Variants in FN3K observed in about 807,000 individuals in gnomAD.
The protein encoded by FN3K is fructosamine-3-kinase.
A neutral mutation model predicts 24.8 loss-of-function variants in FN3K; 24 were observed. The ratio of observed to expected loss-of-function variants is 0.97; its 90% confidence interval spans 0.70 to 1.36. The LOEUF (loss-of-function observed/expected upper bound fraction) is 1.36, where lower values mean the gene tolerates loss of function less well. Ranked by LOEUF, FN3K falls within the 40% of genes most tolerant of loss-of-function variation. The pLI, the probability that FN3K is intolerant of heterozygous loss-of-function variation, is 0.00. For missense variants in FN3K, 449 were observed against 416.7 expected, an observed-to-expected ratio of 1.08 and a Z score of -0.67; for synonymous variants, 192 against 175.2, an observed-to-expected ratio of 1.10 and a Z score of -0.76.
chr17:82,738,658 C>T lies in FN3K; in HGVS notation c.293+18C>T, dbSNP rs2046920986. On this transcript the variant is annotated intron_variant, in intron 2 of 5. Coordinates refer to ENST00000300784, the MANE Select transcript of FN3K (RefSeq NM_022158.4). ...TTGAGCAGGTGAGTGTGTGTGAGAC[C>T]CATATGCGCACATGTGTACAGGCAG... 1.9e-6 allele frequency: 3 copies of T among 1,612,902 alleles called. No individual in the cohort carries two copies. Among genetic ancestry groups the T allele is most frequent in the Non-Finnish European group, 2.5e-6 (3 of 1,179,250 alleles).
rs1253094801 is a variant in FN3K at position 82,748,827 on chromosome 17, C to T, written c.469-28C>T. ...GGCAGCACTTGGCTCCGAATTGCAA[C>T]AGTGGCCTCTTTTCCCTTGTTGTCC... On this transcript the variant is annotated intron_variant, in intron 4 of 5. Coordinates refer to ENST00000300784, the MANE Select transcript of FN3K (RefSeq NM_022158.4). 1.9e-6 allele frequency: 3 copies of T among 1,608,718 alleles called. No individual in the cohort carries two copies. The Admixed American group carries it at 5.0e-5, about 27-fold the overall frequency.
At chr17:82,741,933 A>C (rs2451211) in intron 4 of FN3K, among the ~76,000 whole-genome samples, 7 of 152,222 alleles carry the variant, frequency 4.6e-5, no homozygotes, top group Non-Finnish European at 8.8e-5. Flanking sequence ...TTGAGACGGC[A>C]TTTTGCCCTT....
chr17:82,750,578 G>T lies in FN3K; in HGVS notation c.753G>T (p.Met251Ile). The change falls in exon 6 of 6, where the codon ATG (methionine) becomes ATT (isoleucine). Residue 251 changes from methionine to isoleucine, a missense_variant. Physicochemically the swap from Met to Ile is conservative, Grantham distance 10 (BLOSUM62 1). Coordinates refer to ENST00000300784, the MANE Select transcript of FN3K (RefSeq NM_022158.4). ...AGTTTGAACTGGCAATCGCCTTGAT[G>T]TTTGGGGGGTTCCCCAGATCCTTCT... is the stretch of plus-strand genomic sequence containing the variant. ...HSEFELAIAL[M>I]FGGFPRSFFT... 6.2e-7 allele frequency: 1 copy of T among 1,614,168 alleles called. No homozygotes were observed. Among genetic ancestry groups the T allele is most frequent in the South Asian group, 1.1e-5 (1 of 91,072 alleles).
intron 4 of FN3K, among the ~76,000 whole-genome samples, chr17:82,741,955 T>A (rs1211988692): frequency 6.6e-6 from 1 of 152,208 alleles, no homozygotes; most frequent in Non-Finnish European, 1.5e-5. Context: ...TTGCCCAGGC[T>A]GGAGTGCAAT....
intron 1 of FN3K, 162 bp from the exon 2 acceptor site, chr17:82,738,327 T>A: frequency 1.1e-6 from 1 of 916,248 alleles, no homozygotes; most frequent in Non-Finnish European, 1.6e-6. Flanking sequence ...GGGGGGCCCC[T>A]CTGCACCCTG....
chr17:82,736,377 A>C (rs1237602345), intron 1 of FN3K: 1 of 152,374 alleles, frequency 6.6e-6, no homozygotes, highest in African/African-American at 2.4e-5. Context: ...TCTACCAAAA[A>C]ATGCAATAAT....
At chr17:82,738,947 T>TATACGTGTATATATATATATACGTATATA (rs1491164859) in intron 2 of FN3K, among the ~76,000 whole-genome samples, 1 of 65,284 alleles carries the variant, frequency 1.5e-5, no homozygotes, top group Non-Finnish European at 3.1e-5. Context: ...TATATATATA[T>TATACGTGTATATATATATATACGTATATA]TTTTTTTTTT....
chr17:82,735,646 C>T lies in FN3K; in HGVS notation c.10C>T (p.Leu4=), dbSNP rs767251997. 2.0e-6 allele frequency: 3 copies of T among 1,538,266 alleles called. No individual in the cohort carries two copies. Among genetic ancestry groups the T allele is most frequent in the South Asian group, 1.2e-5 (1 of 83,412 alleles). ...CCGCGCCCCGCACTCCATGGAGCAG[C>T]TGCTGCGCGCCGAGCTGCGCACCGC... is the stretch of plus-strand genomic sequence containing the variant. MEQ[L]LRAELRTATL... Residue 4 remains leucine, a synonymous_variant, in exon 1 of 6, where the codon CTG becomes TTG. Transcript: ENST00000300784.
intron 4 of FN3K, among the ~76,000 whole-genome samples, chr17:82,748,064 C>T (rs980910541): frequency 6.6e-6 from 1 of 151,470 alleles, no homozygotes; most frequent in Non-Finnish European, 1.5e-5. Flanking sequence ...AGTCGACTCC[C>T]TTTGTGAAAT....
intron 4 of FN3K, chr17:82,744,995 C>G (rs1315627576): frequency 2.0e-5 from 3 of 152,190 alleles, no homozygotes; most frequent in Non-Finnish European, 4.4e-5. Flanking sequence ...CAGGGACGGG[C>G]AGGAGACAGA....
chr17:82,740,318 T>A (rs2046934022), intron 2 of FN3K, among the ~76,000 whole-genome samples: 2 of 151,320 alleles, frequency 1.3e-5, no homozygotes, highest in Non-Finnish European at 2.9e-5. Flanking sequence ...GATTACATGA[T>A]GTTATTTTCT....
intron 1 of FN3K, among the ~76,000 whole-genome samples, chr17:82,736,789 C>T (rs2046904305): frequency 6.6e-6 from 1 of 152,200 alleles, no homozygotes; most frequent in Non-Finnish European, 1.5e-5. Context: ...CCTGCTCTGC[C>T]GGCTCAGAAC....
At position 82,738,490 on chromosome 17, in the gene FN3K, C is replaced by T; in HGVS notation, c.143C>T (p.Ala48Val). 1 of 1,612,056 alleles carries T rather than the reference C, an allele frequency of 6.2e-7. No individual in the cohort carries two copies. The highest frequency in any genetic ancestry group is 8.5e-7 in the Non-Finnish European group (1 of 1,179,812). ...GACAAGGCTGTGTTCTGGATGCAGG[C>T]CCGGCAGATGTTTGAGGGGGAGGTG... The part of the protein sequence containing the change: ...VFVKVNRRTQ[A>V]RQMFEGEVAS... The change falls in exon 2 of 6, where the codon GCC becomes GTC. Residue 48 changes from alanine to valine, a missense_variant and splice_region_variant. Coordinates refer to ENST00000300784, the MANE Select transcript of FN3K (RefSeq NM_022158.4).
rs1188979012 is a variant in FN3K at position 82,735,742 on chromosome 17, G to A, written c.106G>A (p.Gly36Ser). The part of the protein sequence containing the change: ...SEGRAYDTDA[G>S]PVFVKVNRRT... ...GGGCCGAGCCTACGACACGGACGCA[G>A]GCCCAGTGTTCGTCAAAGTCAACCG... The change falls in exon 1 of 6, where the codon GGC (glycine) becomes AGC (serine). Residue 36 changes from glycine to serine, a missense_variant. Coordinates refer to ENST00000300784, the MANE Select transcript of FN3K (RefSeq NM_022158.4). 6.4e-7 allele frequency: 1 copy of A among 1,562,494 alleles called. No individual in the cohort carries two copies. Among genetic ancestry groups the A allele is most frequent in the South Asian group, 1.2e-5 (1 of 85,026 alleles).
Position 82,747,519 on chromosome 17 carries a change from G to T in FN3K, c.469-1336G>T, listed in dbSNP as rs546333741. Among the ~76,000 whole-genome samples the T allele has an allele frequency of 5.1e-4, 77 of 152,274 alleles. 1 individual carries two copies. The highest frequency in any genetic ancestry group is 1.9e-3 in the African/African-American group (77 of 41,550). On this transcript the variant is annotated intron_variant, in intron 4 of 5. Transcript: ENST00000300784. ...GGTTTCAAGAGATTCTCCTGCCTCA[G>T]CCTCCCGAGTAGCTGGGACTACAGG... is the stretch of plus-strand genomic sequence containing the variant.
At chr17:82,746,766 T>C (rs2046970937) in intron 4 of FN3K, among the ~76,000 whole-genome samples, 1 of 151,968 alleles carries the variant, frequency 6.6e-6, no homozygotes, top group Non-Finnish European at 1.5e-5. Context: ...GATCGTGCCA[T>C]TGCACTCCAC....
At chr17:82,735,852 C>T in intron 1 of FN3K, 75 bp downstream of exon 1, 3 of 1,510,624 alleles carry the variant, frequency 2.0e-6, no homozygotes, top group Admixed American at 2.0e-5. Flanking sequence ...CGGGGGCAGG[C>T]GCATTTCCTG....
intron 4 of FN3K, chr17:82,742,821 T>A (rs911650377): frequency 2.3e-6 from 1 of 434,512 alleles, no homozygotes; most frequent in African/African-American, 2.0e-5. Context: ...GAGAATACTT[T>A]CAAATCTGTC....
chr17:82,737,910 T>G (rs896607995), intron 1 of FN3K: 3 of 159,042 alleles, frequency 1.9e-5, no homozygotes, highest in African/African-American at 7.2e-5. Flanking sequence ...TTCACCTAAC[T>G]GAAAACTGGA....
Sources: gnomAD v4.1 joint callset for allele counts (sites outside exome capture counted in the v4.1 genomes callset) on GRCh38, gnomAD v4.1.1 for gene constraint, MANE v1.5 for transcripts, NCBI Gene and HGNC (gene_info 2026-07-23, HGNC 2026-07-21) for gene names.